Variants in GRM7 observed in about 807,000 individuals in gnomAD.
The protein encoded by GRM7 is glutamate metabotropic receptor 7.
A neutral mutation model predicts 84.5 loss-of-function variants in GRM7; 35 were observed. That is an observed-to-expected ratio of 0.41 (90% CI 0.32 to 0.55). The LOEUF (loss-of-function observed/expected upper bound fraction) is 0.55, where lower values mean the gene tolerates loss of function less well. GRM7 is among the 20% of genes least tolerant of loss of function. GRM7 has a pLI of 0.19. For synonymous variants in GRM7, 487 were observed against 455.1 expected (o/e 1.07, Z -0.89); for missense variants, 1,003 against 1,194.6 (o/e 0.84, Z 2.36).
chr3:7,375,900 G>T (rs1575241182), intron 4 of GRM7, among the ~76,000 whole-genome samples: 1 of 151,938 alleles, frequency 6.6e-6, no homozygotes, highest in Non-Finnish European at 1.5e-5. Flanking sequence ...GCTGATGTTG[G>T]GCTTTTCTTC....
rs1224023131 is a variant in GRM7 at position 6,863,768 on chromosome 3, C to T, written c.519+1861C>T. Reference sequence around the variant, plus strand: ...AGGTTACAGTGTTTTCCCTGTTAGCCTGTGGGGTTAAAGGCACAAAACGTT... The same window carrying T: ...AGGTTACAGTGTTTTCCCTGTTAGCTTGTGGGGTTAAAGGCACAAAACGTT... On this transcript the variant is annotated intron_variant, in intron 1 of 9. Transcript: ENST00000357716. This position sits in a 1 kb window ranked among gnomAD's most constrained non-coding sequence, Gnocchi z 4.8. 6.6e-6 allele frequency among the ~76,000 whole-genome samples: 1 copy of T among 152,066 alleles called. No individual in the cohort carries two copies. Among genetic ancestry groups the T allele is most frequent in the Non-Finnish European group, 1.5e-5 (1 of 68,016 alleles).
intron 1 of GRM7, among the ~76,000 whole-genome samples, chr3:6,869,879 T>C (rs1357708016): frequency 6.6e-6 from 1 of 152,194 alleles, no homozygotes; most frequent in Non-Finnish European, 1.5e-5. Context: ...GTTACACTTT[T>C]ATAAGCTTTA....
chr3:7,216,846 G>T (rs1330987576), intron 2 of GRM7, among the ~76,000 whole-genome samples: 1 of 152,096 alleles, frequency 6.6e-6, no homozygotes, highest in Admixed American at 6.5e-5. Flanking sequence ...GGATGGTGTT[G>T]GATATACATT....
chr3:7,004,866 C>T (rs1057392933), intron 1 of GRM7, among the ~76,000 whole-genome samples: 3 of 152,080 alleles, frequency 2.0e-5, no homozygotes, highest in East Asian at 1.9e-4. Context: ...AAAGCACATC[C>T]GACAAATCTC....
At chr3:7,306,754 C>T in intron 4 of GRM7, 102 bp downstream of exon 4, 9 of 948,568 alleles carry the variant, frequency 9.5e-6, no homozygotes, top group Middle Eastern at 3.2e-4. Context: ...TTACCAAACT[C>T]ATGTGGGGTT....
chr3:7,317,437 T>C (rs968532232), intron 4 of GRM7, among the ~76,000 whole-genome samples: 2 of 152,152 alleles, frequency 1.3e-5, no homozygotes, highest in African/African-American at 4.8e-5. Context: ...TATGAGGTCA[T>C]GTTGAGACAT....
chr3:6,910,913 A>G (rs1213788156), intron 1 of GRM7, among the ~76,000 whole-genome samples: 1 of 152,122 alleles, frequency 6.6e-6, no homozygotes, highest in Non-Finnish European at 1.5e-5. Context: ...CTATATTGCA[A>G]TAAATTAAGT....
chr3:7,392,266 T>TGTCTG (rs1023617385), intron 4 of GRM7, among the ~76,000 whole-genome samples: 4 of 152,190 alleles, frequency 2.6e-5, no homozygotes, highest in African/African-American at 4.8e-5. Flanking sequence ...TCTGGCTGCA[T>TGTCTG]GTCTGGCCAC....
chr3:7,599,860 G>T (rs112785313), intron 8 of GRM7, among the ~76,000 whole-genome samples: 1 of 152,172 alleles, frequency 6.6e-6, no homozygotes, highest in African/African-American at 2.4e-5. Flanking sequence ...GTACACGGTC[G>T]TGGGGGGTGG....
At chr3:7,710,345 T>C (rs1357838547) in intron 9 of GRM7, among the ~76,000 whole-genome samples, 1 of 152,178 alleles carries the variant, frequency 6.6e-6, no homozygotes, top group African/African-American at 2.4e-5. Flanking sequence ...ACGGGACCTG[T>C]TTTTGCTGTA....
At chr3:7,266,329 T>C (rs1698638282) in intron 2 of GRM7, among the ~76,000 whole-genome samples, 1 of 152,204 alleles carries the variant, frequency 6.6e-6, no homozygotes. Flanking sequence ...TATACCATGC[T>C]TGACAGTCAC....
rs1357088780 is a variant in GRM7 at position 6,861,504 on chromosome 3, C to A, written c.116C>A (p.Ala39Asp). 6.3e-7 allele frequency: 1 copy of A among 1,579,350 alleles called. No homozygotes were observed. Among genetic ancestry groups the A allele is most frequent in the East Asian group, 2.3e-5 (1 of 44,102 alleles). Residue 39 changes from alanine (A) to aspartate (D), a missense_variant, in exon 1 of 10, where the codon GCC becomes GAC. By Grantham distance (126) the Ala-to-Asp change is moderately radical. This residue lies in a region of GRM7 where 93 missense variants were observed against 68.6 expected (regional missense o/e 1.36). Transcript: ENST00000357716. This position sits in a 1 kb window ranked among gnomAD's most constrained non-coding sequence, Gnocchi z 6.4. ...GCGGCGCGCGGCCAGGAGATGTACG[C>A]CCCGCACTCAATCCGGATCGAGGGG... ...AAAARGQEMY[A>D]PHSIRIEGDV... is the part of the protein sequence containing the mutation.
intron 4 of GRM7, among the ~76,000 whole-genome samples, chr3:7,319,885 C>T (rs1160149237): frequency 2.6e-5 from 4 of 151,882 alleles, no homozygotes; most frequent in African/African-American, 9.7e-5. Flanking sequence ...ATATGCAAGT[C>T]TTAAATGTAC....
intron 2 of GRM7, among the ~76,000 whole-genome samples, chr3:7,231,250 A>G (rs371087335): frequency 2.6e-5 from 4 of 152,272 alleles, no homozygotes; most frequent in South Asian, 4.1e-4. Flanking sequence ...TTGTACATAG[A>G]ACCCAACCAA....
intron 5 of GRM7, among the ~76,000 whole-genome samples, chr3:7,429,872 G>C (rs1257091366): frequency 1.3e-5 from 2 of 152,100 alleles, no homozygotes; most frequent in African/African-American, 4.8e-5. Context: ...AGGGAAATAC[G>C]ATTTAAACAT....
intron 7 of GRM7, among the ~76,000 whole-genome samples, chr3:7,483,726 T>G (rs1337735845): frequency 6.6e-6 from 1 of 152,196 alleles, no homozygotes; most frequent in Non-Finnish European, 1.5e-5. Flanking sequence ...GTTAGGCCAG[T>G]TGGTTTTATT....
chr3:7,189,926 C>T (rs1218009017), intron 2 of GRM7, among the ~76,000 whole-genome samples: 1 of 151,478 alleles, frequency 6.6e-6, no homozygotes, highest in East Asian at 2.0e-4. Context: ...TTTACACACA[C>T]AGACCTACAC....
chr3:7,526,116 A>C (rs1191266178), intron 7 of GRM7, among the ~76,000 whole-genome samples: 1 of 152,134 alleles, frequency 6.6e-6, no homozygotes, highest in African/African-American at 2.4e-5. Context: ...TCTTTGAGAA[A>C]TCTCCAAACT....
chr3:7,423,915 C>T (rs957254699), intron 5 of GRM7, among the ~76,000 whole-genome samples: 1 of 152,058 alleles, frequency 6.6e-6, no homozygotes, highest in African/African-American at 2.4e-5. Flanking sequence ...GTTTACCATC[C>T]TGGGCACTGA....
Sources: allele counts gnomAD v4.1 joint callset (sites outside exome capture counted in the v4.1 genomes callset), GRCh38; gene constraint gnomAD v4.1.1; regional missense constraint gnomAD v4.1.1; non-coding constraint Gnocchi (gnomAD v3.1); transcripts MANE v1.5; gene names NCBI Gene and HGNC (gene_info 2026-07-23, HGNC 2026-07-21).